Variants in PAPPA2 observed in about 807,000 individuals in gnomAD.
PAPPA2 encodes the protein pappalysin-2.
In PAPPA2, 86 loss-of-function variants were observed where a neutral mutation model predicts 176.4. The ratio of observed to expected loss-of-function variants is 0.49; its 90% confidence interval spans 0.41 to 0.58. The LOEUF (loss-of-function observed/expected upper bound fraction) is 0.58. Ranked by LOEUF, PAPPA2 falls within the 20% of genes least tolerant of loss-of-function variation. The pLI, the probability that PAPPA2 is intolerant of heterozygous loss-of-function variation, is 0.00. For synonymous variants in PAPPA2, 809 were observed against 852.2 expected, an observed-to-expected ratio of 0.95 and a Z score of 0.88; for missense variants, 2,073 against 2,256.9, an observed-to-expected ratio of 0.92 and a Z score of 1.65.
chr1:176,514,901 C>T (rs1451095489), intron 1 of PAPPA2, among the ~76,000 whole-genome samples: 3 of 152,174 alleles, frequency 2.0e-5, no homozygotes, highest in African/African-American at 7.2e-5. Context: ...TCCTCCATTC[C>T]ATCAAGATTA....
intron 17 of PAPPA2, among the ~76,000 whole-genome samples, chr1:176,773,957 C>T (rs1664342932): frequency 6.6e-6 from 1 of 152,086 alleles, no homozygotes; most frequent in African/African-American, 2.4e-5. Flanking sequence ...ATGCTCTATG[C>T]CAGTCTCTGG....
At chr1:176,631,597 G>C (rs187402333) in intron 3 of PAPPA2, among the ~76,000 whole-genome samples, 26 of 152,170 alleles carry the variant, frequency 1.7e-4, no homozygotes, top group Admixed American at 1.6e-3. Context: ...GCAGTAATGA[G>C]GTCTAGTAAA....
intron 1 of PAPPA2, among the ~76,000 whole-genome samples, chr1:176,504,559 G>A (rs1458675640): frequency 2.0e-5 from 3 of 152,106 alleles, no homozygotes; most frequent in Non-Finnish European, 4.4e-5. Context: ...GTTCAGGATG[G>A]AGTCCACATT....
At chr1:176,737,986 G>A (rs1311970347) in intron 12 of PAPPA2, among the ~76,000 whole-genome samples, 4 of 152,026 alleles carry the variant, frequency 2.6e-5, no homozygotes, top group South Asian at 2.1e-4. Flanking sequence ...TCTGTTCCTG[G>A]CTCAGAAAAT....
At chr1:176,840,418 A>G (rs1667444217) in intron 22 of PAPPA2, 147 bp downstream of exon 22, 2 of 650,170 alleles carry the variant, frequency 3.1e-6, no homozygotes, top group Non-Finnish European at 5.3e-6. Context: ...TGGAGCTTCT[A>G]AAGTGACAGG....
At chr1:176,684,556 C>A (rs1263793455) in intron 4 of PAPPA2, among the ~76,000 whole-genome samples, 1 of 152,184 alleles carries the variant, frequency 6.6e-6, no homozygotes, top group South Asian at 2.1e-4. Flanking sequence ...CCCCCCCACT[C>A]CCCATTCTAC....
At chr1:176,624,901 AG>A (rs1655919603) in intron 3 of PAPPA2, among the ~76,000 whole-genome samples, 1 of 152,196 alleles carries the variant, frequency 6.6e-6, no homozygotes, top group East Asian at 1.9e-4. Context: ...CCAGGAGGGC[AG>A]GCAGGAGAGT....
At chr1:176,476,594 A>G (rs982420287) in intron 1 of PAPPA2, among the ~76,000 whole-genome samples, 2 of 152,194 alleles carry the variant, frequency 1.3e-5, no homozygotes, top group East Asian at 1.9e-4. Flanking sequence ...ACTCTGGCCC[A>G]CTAATACAAT....
chr1:176,770,684 G>A (rs1349853298), intron 16 of PAPPA2, among the ~76,000 whole-genome samples: 1 of 152,056 alleles, frequency 6.6e-6, no homozygotes, highest in Non-Finnish European at 1.5e-5. Flanking sequence ...ATTATATGTA[G>A]GTAGGAAAAG....
intron 9 of PAPPA2, 33 bp downstream of exon 9, chr1:176,702,768 TGTGTGTGTGAGAGA>T: frequency 6.3e-7 from 1 of 1,577,520 alleles, no homozygotes; most frequent in Non-Finnish European, 8.6e-7. Flanking sequence ...TGTGTGTGTG[TGTGTGTGTGAGAGA>T]GAGAGAGAGA....
intron 1 of PAPPA2, among the ~76,000 whole-genome samples, chr1:176,499,888 A>G (rs559754664): frequency 1.3e-5 from 2 of 152,054 alleles, no homozygotes; most frequent in East Asian, 1.9e-4. Context: ...GGCTTGCAAC[A>G]TTTTCCTGGG....
intron 3 of PAPPA2, among the ~76,000 whole-genome samples, chr1:176,617,794 G>A (rs1056167990): frequency 2.0e-5 from 3 of 151,964 alleles, no homozygotes; most frequent in Non-Finnish European, 4.4e-5. Flanking sequence ...TGTCTTTTTT[G>A]GGGTAGGTAC....
At chr1:176,702,380 G>A (rs531959715) in intron 8 of PAPPA2, among the ~76,000 whole-genome samples, 13 of 152,350 alleles carry the variant, frequency 8.5e-5, no homozygotes, top group South Asian at 6.2e-4. Flanking sequence ...CATTTACTGC[G>A]CATTTACTCT....
chr1:176,692,257 C>G lies in PAPPA2; in HGVS notation c.2563C>G (p.Gln855Glu). The G allele has an allele frequency of 6.2e-7, 1 of 1,614,092 alleles. No homozygotes were observed. The highest frequency in any genetic ancestry group is 8.5e-7 in the Non-Finnish European group (1 of 1,179,928). ...PIPIPPMVIG[Q>E]TNKSLTIHWL... Reference sequence around the variant, plus strand: ...CCCCATTCCACCTATGGTCATCGGACAGACCAACAAGTCCCTCACTATCCA... The same window carrying G: ...CCCCATTCCACCTATGGTCATCGGAGAGACCAACAAGTCCCTCACTATCCA... The change falls in exon 6 of 23, where the codon CAG (glutamine) becomes GAG (glutamate). Residue 855 changes from glutamine to glutamate, a missense_variant. Around this residue, in one of 4 missense-constraint regions of PAPPA2, gnomAD observed 1,196 missense variants for 1,330.4 expected, o/e 0.90. Transcript: ENST00000367662.
intron 1 of PAPPA2, among the ~76,000 whole-genome samples, chr1:176,468,910 G>C (rs1651752494): frequency 6.6e-6 from 1 of 152,110 alleles, no homozygotes; most frequent in Non-Finnish European, 1.5e-5. Context: ...TACCTGTCTG[G>C]TACTGTTTTT....
chr1:176,722,794 T>G (rs1476604454), intron 12 of PAPPA2, among the ~76,000 whole-genome samples: 1 of 152,180 alleles, frequency 6.6e-6, no homozygotes, highest in African/African-American at 2.4e-5. Flanking sequence ...TGTTTTATGA[T>G]TGTTCTTGCC....
intron 3 of PAPPA2, among the ~76,000 whole-genome samples, chr1:176,655,856 A>G (rs924885793): frequency 6.6e-6 from 1 of 151,768 alleles, no homozygotes; most frequent in Non-Finnish European, 1.5e-5. Flanking sequence ...AAAAGTAAAA[A>G]TTTCTGTTCC....
At chr1:176,474,062 A>T (rs1652006150) in intron 1 of PAPPA2, among the ~76,000 whole-genome samples, 1 of 152,166 alleles carries the variant, frequency 6.6e-6, no homozygotes, top group African/African-American at 2.4e-5. Context: ...CTCATATTTG[A>T]TTTCAATAGA....
chr1:176,621,866 G>T (rs1369741515), intron 3 of PAPPA2, among the ~76,000 whole-genome samples: 2 of 152,036 alleles, frequency 1.3e-5, no homozygotes, highest in Admixed American at 1.3e-4. Flanking sequence ...AGTGTCTTTG[G>T]CCAGAGTTTT....
Sources: allele counts gnomAD v4.1 joint callset (sites outside exome capture counted in the v4.1 genomes callset), GRCh38; gene constraint gnomAD v4.1.1; regional missense constraint gnomAD v4.1.1; transcripts MANE v1.5; gene names NCBI Gene and HGNC (gene_info 2026-07-23, HGNC 2026-07-21).